Variants in ASAP1 observed in about 807,000 individuals in gnomAD.
ASAP1 encodes the protein ArfGAP with SH3 domain, ankyrin repeat and PH domain 1.
A neutral mutation model predicts 145.2 loss-of-function variants in ASAP1; 43 were observed. The ratio of observed to expected loss-of-function variants is 0.30; its 90% confidence interval spans 0.23 to 0.38. The LOEUF (loss-of-function observed/expected upper bound fraction) is 0.38, where lower values mean the gene tolerates loss of function less well. Among genes scored for constraint, ASAP1 ranks in the 10% least tolerant of loss-of-function variants. The probability of loss-of-function intolerance (pLI) is 1.00; values close to 1 mark genes in which losing one functional copy is unlikely to be tolerated. For missense variants in ASAP1, 1,018 were observed against 1,355.3 expected, an observed-to-expected ratio of 0.75 and a Z score of 3.91; for synonymous variants, 546 against 515.5, an observed-to-expected ratio of 1.06 and a Z score of -0.80.
At position 130,054,111 on chromosome 8, in the gene ASAP1, A is replaced by G. The variant is rs144016351; in HGVS notation, c.*620T>C. The G allele has an allele frequency of 6.5e-6, 1 of 153,044 alleles. No individual in the cohort carries two copies. Among genetic ancestry groups the G allele is most frequent in the African/African-American group, 2.4e-5 (1 of 41,598 alleles). The allele number at this position is 153,044 out of a possible 1,614,324, so 9.5% of individuals were successfully genotyped here. ...TATAAATCCACTTGTCTAAACTTGC[A>G]TGAGGCTGTGTGCATTGTAAAATGC... On this transcript the variant is annotated 3_prime_UTR_variant, in exon 30 of 30. Transcript: ENST00000518721.
At chr8:130,288,700 T>G (rs16904238) in intron 3 of ASAP1, among the ~76,000 whole-genome samples, 3,084 of 152,286 alleles carry the variant, frequency 0.02, 101 homozygotes, top group African/African-American at 0.069. Context: ...ATGGCATCTG[T>G]ACTATGGTAA....
intron 2 of ASAP1, chr8:130,361,708 G>C: frequency 6.5e-7 from 1 of 1,535,608 alleles, no homozygotes; most frequent in Non-Finnish European, 8.7e-7. Flanking sequence ...TTGAAACCAT[G>C]CCTCAGTGAA....
intron 24 of ASAP1, among the ~76,000 whole-genome samples, chr8:130,100,232 T>C (rs774807633): frequency 2.6e-5 from 4 of 152,228 alleles, no homozygotes; most frequent in East Asian, 1.9e-4. Flanking sequence ...TAATATCTCA[T>C]TGTGGTTTTG....
rs1417436439 is a variant in ASAP1, at chr8:130,103,288, C to T, written c.2401+8806G>A. ...CATTTCTAATCTTATTTATTTGGGT[C>T]TTCTCCCTTCTTTTCTTGTCTAGCT... On this transcript the variant is annotated intron_variant, in intron 24 of 29. Transcript: ENST00000518721. Among the ~76,000 whole-genome samples, 3 of 149,232 alleles carry T rather than the reference C, an allele frequency of 2.0e-5. No homozygotes were observed. The Admixed American group carries it at 2.0e-4, about 10-fold the overall frequency.
chr8:130,372,984 G>T (rs1586927768), intron 2 of ASAP1, among the ~76,000 whole-genome samples: 1 of 147,662 alleles, frequency 6.8e-6, no homozygotes, highest in South Asian at 2.2e-4. Flanking sequence ...ACACACATAC[G>T]CACAGACATA....
intron 9 of ASAP1, among the ~76,000 whole-genome samples, chr8:130,172,067 T>C (rs946154579): frequency 6.6e-6 from 1 of 152,192 alleles, no homozygotes; most frequent in African/African-American, 2.4e-5. Flanking sequence ...TGGCAAGTCA[T>C]TTAACTTCTC....
chr8:130,149,038 G>A (rs570615064), intron 13 of ASAP1, among the ~76,000 whole-genome samples: 2 of 143,640 alleles, frequency 1.4e-5, no homozygotes, highest in Admixed American at 7.2e-5. Context: ...TGTAGAGATA[G>A]GGTTTCTCCA....
intron 24 of ASAP1, among the ~76,000 whole-genome samples, chr8:130,092,442 C>A (rs893264487): frequency 6.6e-6 from 1 of 152,068 alleles, no homozygotes; most frequent in Non-Finnish European, 1.5e-5. Flanking sequence ...GCCTGGGTAA[C>A]ACAGCAAGAC....
chr8:130,168,238 C>CA (rs2097684003), intron 10 of ASAP1, among the ~76,000 whole-genome samples: 1 of 152,092 alleles, frequency 6.6e-6, no homozygotes, highest in South Asian at 2.1e-4. Flanking sequence ...TATTTACCCC[C>CA]AAATGATTTT....
chr8:130,343,161 CTATT>C (rs1825494214), intron 3 of ASAP1, among the ~76,000 whole-genome samples: 3 of 152,152 alleles, frequency 2.0e-5, no homozygotes, highest in South Asian at 2.1e-4. Flanking sequence ...ATAGTGAATG[CTATT>C]TATTTATTTC....
chr8:130,343,537 G>A (rs1383598602), intron 3 of ASAP1, among the ~76,000 whole-genome samples: 2 of 152,226 alleles, frequency 1.3e-5, no homozygotes, highest in Admixed American at 1.3e-4. Flanking sequence ...TTCCTAGGCT[G>A]CCCAGGGCTG....
At chr8:130,143,598 A>G (rs1367734556) in intron 13 of ASAP1, among the ~76,000 whole-genome samples, 1 of 152,220 alleles carries the variant, frequency 6.6e-6, no homozygotes, top group Non-Finnish European at 1.5e-5. Flanking sequence ...AGCTCTGGGT[A>G]CATTTCATGA....
intron 24 of ASAP1, among the ~76,000 whole-genome samples, chr8:130,094,307 C>T (rs899364969): frequency 6.6e-6 from 1 of 152,062 alleles, no homozygotes; most frequent in Non-Finnish European, 1.5e-5. Context: ...ATCTCCTGGG[C>T]TCAAGCAATC....
chr8:130,092,743 A>G (rs1171766894), intron 24 of ASAP1, among the ~76,000 whole-genome samples: 6 of 152,210 alleles, frequency 3.9e-5, no homozygotes, highest in Non-Finnish European at 7.3e-5. Context: ...TCTTAAAACA[A>G]TAACTCCTTA....
intron 7 of ASAP1, 87 bp from the exon 8 acceptor site, chr8:130,180,967 T>C: frequency 7.7e-7 from 1 of 1,295,022 alleles, no homozygotes. Context: ...AAACTATGGA[T>C]TTGGGGTGAC....
chr8:130,074,486 C>CACACACACACACACACACACAG (rs5895034), intron 27 of ASAP1, among the ~76,000 whole-genome samples: 1 of 140,484 alleles, frequency 7.1e-6, no homozygotes, highest in East Asian at 2.1e-4. Context: ...CACACACACA[C>CACACACACACACACACACACAG]AGAGAGAACG....
At chr8:130,384,803 T>C (rs994237766) in intron 2 of ASAP1, among the ~76,000 whole-genome samples, 1 of 152,320 alleles carries the variant, frequency 6.6e-6, no homozygotes, top group African/African-American at 2.4e-5. Flanking sequence ...TGACTCCCCA[T>C]TGTCCTGTAA....
chr8:130,383,705 T>G (rs941247405), intron 2 of ASAP1, among the ~76,000 whole-genome samples: 3 of 152,200 alleles, frequency 2.0e-5, no homozygotes, highest in African/African-American at 7.2e-5. Context: ...ATCTTAATGT[T>G]TATGTATGTA....
intron 3 of ASAP1, among the ~76,000 whole-genome samples, chr8:130,262,633 C>T (rs921131770): frequency 6.6e-6 from 1 of 152,108 alleles, no homozygotes; most frequent in Non-Finnish European, 1.5e-5. Flanking sequence ...GAACCCCTTA[C>T]TTTCCATGAT....
Sources: gnomAD v4.1 joint callset for allele counts (sites outside exome capture counted in the v4.1 genomes callset) on GRCh38, gnomAD v4.1.1 for gene constraint, MANE v1.5 for transcripts, NCBI Gene and HGNC (gene_info 2026-07-23, HGNC 2026-07-21) for gene names.